Variants in NEGR1 observed in about 807,000 individuals in gnomAD.
NEGR1 encodes the protein IgLON family member 4.
NEGR1 carries 10 observed loss-of-function variants against 40.9 expected under a neutral mutation model. The observed-to-expected ratio is 0.24, with a 90% CI of 0.15 to 0.42. The LOEUF (loss-of-function observed/expected upper bound fraction) is 0.42, where lower values mean the gene tolerates loss of function less well. NEGR1 is among the 10% of genes least tolerant of loss of function. NEGR1 has a pLI of 1.00. For synonymous variants in NEGR1, 185 were observed against 166.8 expected (o/e 1.11, Z -0.84); for missense variants, 352 against 438.9 (o/e 0.80, Z 1.77).
chr1:71,532,061 C>T (rs1410677108), intron 6 of NEGR1, among the ~76,000 whole-genome samples: 1 of 151,416 alleles, frequency 6.6e-6, no homozygotes. Flanking sequence ...CCAACAAATC[C>T]TTTAACTCAG....
intron 2 of NEGR1, among the ~76,000 whole-genome samples, chr1:71,834,951 T>C (rs1658971716): frequency 6.6e-6 from 1 of 150,380 alleles, no homozygotes; most frequent in Non-Finnish European, 1.5e-5. Flanking sequence ...CAACATGTAG[T>C]GACTTACTCA....
chr1:71,505,020 TTAAAC>T (rs1647022818), intron 6 of NEGR1, among the ~76,000 whole-genome samples: 1 of 152,014 alleles, frequency 6.6e-6, no homozygotes, highest in Non-Finnish European at 1.5e-5. Context: ...CCCTTACAGA[TTAAAC>T]TAAAACAACC....
intron 1 of NEGR1, among the ~76,000 whole-genome samples, chr1:72,074,472 C>T (rs113153516): frequency 4.6e-5 from 7 of 152,028 alleles, no homozygotes; most frequent in African/African-American, 1.7e-4. Context: ...CTGTCCACTG[C>T]TGTTCCAGGT....
chr1:71,660,192 G>A (rs1378513831), intron 4 of NEGR1, among the ~76,000 whole-genome samples: 1 of 152,152 alleles, frequency 6.6e-6, no homozygotes, highest in East Asian at 1.9e-4. Context: ...GGATGAAGCT[G>A]GAGGCTATTA....
intron 3 of NEGR1, among the ~76,000 whole-genome samples, chr1:71,710,704 G>A (rs1382263849): frequency 2.6e-5 from 4 of 152,054 alleles, no homozygotes; most frequent in Non-Finnish European, 5.9e-5. Context: ...AGAACTTGTG[G>A]TCATAAAGAG....
rs368550314 is a variant in NEGR1 at position 71,501,823 on chromosome 1, C to T, written c.940+90994G>A. ...TGTTTGCCCTTGATAGAGTTTATTA[C>T]AATTATTATAAATTGCACAAAATTA... is the stretch of plus-strand genomic sequence containing the variant. On this transcript the variant is annotated intron_variant, in intron 6 of 6. Coordinates refer to ENST00000357731, the MANE Select transcript of NEGR1 (RefSeq NM_173808.3). 1.2e-4 allele frequency among the ~76,000 whole-genome samples: 18 copies of T among 152,198 alleles called. No homozygotes were observed. The East Asian group carries it at 2.5e-3, about 21-fold the overall frequency.
At chr1:71,581,753 A>G (rs1284355704) in intron 6 of NEGR1, among the ~76,000 whole-genome samples, 1 of 149,998 alleles carries the variant, frequency 6.7e-6, no homozygotes. Flanking sequence ...TCCAGGCTGC[A>G]GTGCAGTGGC....
At chr1:71,699,531 T>C (rs1359707217) in intron 3 of NEGR1, among the ~76,000 whole-genome samples, 1 of 151,856 alleles carries the variant, frequency 6.6e-6, no homozygotes, top group Non-Finnish European at 1.5e-5. Context: ...AATGTGTCTG[T>C]AAAACCTACT....
At position 71,731,866 on chromosome 1, in the gene NEGR1, A is replaced by G. The variant is rs547193456; in HGVS notation, c.536-33727T>C. Among the ~76,000 whole-genome samples the G allele has an allele frequency of 1.1e-3, 166 of 152,274 alleles. 1 individual carries two copies. Among genetic ancestry groups the G allele is most frequent in the African/African-American group, 3.7e-3 (153 of 41,560 alleles). ...TTGGGATTAGTACTTTAAAAACTTG[A>G]TATCTTCCCTTATTCACCAGTGAAC... On this transcript the variant is annotated intron_variant, in intron 3 of 6. Coordinates refer to ENST00000357731, the MANE Select transcript of NEGR1 (RefSeq NM_173808.3).
intron 1 of NEGR1, among the ~76,000 whole-genome samples, chr1:72,246,629 A>C (rs1259019050): frequency 6.6e-6 from 1 of 152,208 alleles, no homozygotes; most frequent in African/African-American, 2.4e-5. Flanking sequence ...TTTCCAAATG[A>C]CTTAAGAGTA....
chr1:72,230,575 A>T (rs561366317), intron 1 of NEGR1, among the ~76,000 whole-genome samples: 8 of 152,100 alleles, frequency 5.3e-5, no homozygotes, highest in Non-Finnish European at 8.8e-5. Context: ...CTTGGATCTC[A>T]AATGTCCTTC....
chr1:71,992,371 A>C (rs1281675364), intron 1 of NEGR1, among the ~76,000 whole-genome samples: 2 of 152,188 alleles, frequency 1.3e-5, no homozygotes, highest in Non-Finnish European at 2.9e-5. Flanking sequence ...AGGACTCAGT[A>C]CTGTATGGTA....
At chr1:71,913,454 T>A (rs1661480421) in intron 2 of NEGR1, among the ~76,000 whole-genome samples, 1 of 152,100 alleles carries the variant, frequency 6.6e-6, no homozygotes, top group African/African-American at 2.4e-5. Context: ...TACCCTTACT[T>A]AATACAAACA....
intron 1 of NEGR1, among the ~76,000 whole-genome samples, chr1:72,119,627 A>G (rs960332074): frequency 6.6e-6 from 1 of 151,898 alleles, no homozygotes; most frequent in Non-Finnish European, 1.5e-5. Flanking sequence ...TACTTCTCAA[A>G]TGGGGATGAT....
intron 4 of NEGR1, among the ~76,000 whole-genome samples, chr1:71,656,502 T>G (rs1201798913): frequency 6.6e-6 from 1 of 152,172 alleles, no homozygotes; most frequent in African/African-American, 2.4e-5. Context: ...AAACTCCACC[T>G]CCCGGGTTCA....
At chr1:71,958,469 CTT>C (rs1225846054) in intron 1 of NEGR1, among the ~76,000 whole-genome samples, 1 of 152,108 alleles carries the variant, frequency 6.6e-6, no homozygotes, top group Admixed American at 6.5e-5. Flanking sequence ...GAAGAGGAGA[CTT>C]TCTCATACTC....
chr1:71,645,130 G>A (rs1233494300), intron 4 of NEGR1, among the ~76,000 whole-genome samples: 1 of 151,854 alleles, frequency 6.6e-6, no homozygotes, highest in East Asian at 1.9e-4. Context: ...AGTCAGGTTT[G>A]CATCACGCTT....
chr1:71,870,981 C>A (rs1660262280), intron 2 of NEGR1, among the ~76,000 whole-genome samples: 1 of 152,178 alleles, frequency 6.6e-6, no homozygotes, highest in South Asian at 2.1e-4. Flanking sequence ...AGAATCTCAG[C>A]TTTCATACGA....
chr1:71,439,878 A>T (rs932741556), intron 6 of NEGR1: 1 of 151,720 alleles, frequency 6.6e-6, no homozygotes, highest in Non-Finnish European at 1.5e-5. Context: ...TCTCTCATAT[A>T]TATATATAAA....
Sources: allele counts gnomAD v4.1 joint callset (sites outside exome capture counted in the v4.1 genomes callset), GRCh38; gene constraint gnomAD v4.1.1; transcripts MANE v1.5; gene names NCBI Gene and HGNC (gene_info 2026-07-23, HGNC 2026-07-21).